KLHL1: variants seen among roughly 807,000 people sequenced by gnomAD.
The protein encoded by KLHL1 is kelch-like protein 1.
Under a neutral mutation model 77.7 loss-of-function variants are expected in KLHL1, and 47 were observed. The observed-to-expected ratio is 0.60, with a 90% CI of 0.48 to 0.77. The LOEUF (loss-of-function observed/expected upper bound fraction) is 0.77, where lower values mean the gene tolerates loss of function less well. KLHL1 is among the 30% of genes least tolerant of loss of function. The pLI, the probability that KLHL1 is intolerant of heterozygous loss-of-function variation, is 0.00. For missense variants in KLHL1, 925 were observed against 910.8 expected, an observed-to-expected ratio of 1.02 and a Z score of -0.20; for synonymous variants, 360 against 325.2, an observed-to-expected ratio of 1.11 and a Z score of -1.15.
intron 4 of KLHL1, among the ~76,000 whole-genome samples, chr13:69,886,604 A>C (rs1432932543): frequency 4.6e-5 from 7 of 152,034 alleles, no homozygotes; most frequent in African/African-American, 7.2e-5. Context: ...AAATCCCTTC[A>C]ACTATCATCT....
At chr13:69,768,977 A>G (rs1875439419) in intron 7 of KLHL1, among the ~76,000 whole-genome samples, 1 of 152,236 alleles carries the variant, frequency 6.6e-6, no homozygotes, top group African/African-American at 2.4e-5. Context: ...AGCAATATTT[A>G]GGAATTCATG....
chr13:70,097,516 A>T (rs1887820916), intron 1 of KLHL1, among the ~76,000 whole-genome samples: 1 of 152,018 alleles, frequency 6.6e-6, no homozygotes, highest in Non-Finnish European at 1.5e-5. Flanking sequence ...GCTAAATAAG[A>T]ATAGTCTAGT....
At chr13:70,034,342 C>G (rs1020359891) in intron 1 of KLHL1, among the ~76,000 whole-genome samples, 25 of 152,294 alleles carry the variant, frequency 1.6e-4, no homozygotes, top group African/African-American at 5.8e-4. Flanking sequence ...CAGAAATTCT[C>G]TTCCCTATTC....
At chr13:69,963,653 A>G (rs970668153) in intron 2 of KLHL1, among the ~76,000 whole-genome samples, 7 of 152,170 alleles carry the variant, frequency 4.6e-5, no homozygotes, top group African/African-American at 9.7e-5. Context: ...ACATTAACCA[A>G]TAACACTCTA....
At chr13:69,767,045 A>T (rs1171088673) in intron 7 of KLHL1, among the ~76,000 whole-genome samples, 1 of 152,326 alleles carries the variant, frequency 6.6e-6, no homozygotes, top group African/African-American at 2.4e-5. Flanking sequence ...ATTTTTCTAG[A>T]GTTTTTCTCC....
chr13:70,092,124 C>T (rs1410387785), intron 1 of KLHL1, among the ~76,000 whole-genome samples: 1 of 152,072 alleles, frequency 6.6e-6, no homozygotes, highest in African/African-American at 2.4e-5. Context: ...AGAAATAAAC[C>T]AGCTGGCACC....
At chr13:69,829,797 A>G (rs1425725021) in intron 6 of KLHL1, among the ~76,000 whole-genome samples, 1 of 150,208 alleles carries the variant, frequency 6.7e-6, no homozygotes, top group Non-Finnish European at 1.5e-5. Flanking sequence ...TCTTATCTTT[A>G]GCCTCCTTAA....
chr13:69,821,503 TG>T (rs373138388), intron 6 of KLHL1, among the ~76,000 whole-genome samples: 3 of 151,890 alleles, frequency 2.0e-5, no homozygotes, highest in Non-Finnish European at 4.4e-5. Context: ...TTAGTAGAAA[TG>T]GGGTTTCATC....
chr13:70,070,673 A>G (rs1218089668), intron 1 of KLHL1, among the ~76,000 whole-genome samples: 2 of 152,068 alleles, frequency 1.3e-5, no homozygotes, highest in Non-Finnish European at 2.9e-5. Flanking sequence ...ATAGAAAGGA[A>G]GAATGCGGGA....
At chr13:70,087,427 A>T (rs1566564867) in intron 1 of KLHL1, among the ~76,000 whole-genome samples, 1 of 152,122 alleles carries the variant, frequency 6.6e-6, no homozygotes, top group Non-Finnish European at 1.5e-5. Context: ...CGGCATAGTC[A>T]TGTGTTACAA....
chr13:69,763,903 C>T (rs914823832), intron 7 of KLHL1, among the ~76,000 whole-genome samples: 2 of 152,152 alleles, frequency 1.3e-5, no homozygotes, highest in Non-Finnish European at 2.9e-5. Context: ...TGTTGTAACC[C>T]TTACAAAAAA....
At chr13:69,939,340 C>CATACATATATAT (rs1555283221) in intron 4 of KLHL1, among the ~76,000 whole-genome samples, 44 of 60,826 alleles carry the variant, frequency 7.2e-4, no homozygotes, top group African/African-American at 2.8e-3. Flanking sequence ...CATATACATA[C>CATACATATATAT]ATATATATAT....
chr13:69,703,896 C>A (rs1875513941), intron 10 of KLHL1, among the ~76,000 whole-genome samples: 1 of 151,482 alleles, frequency 6.6e-6, no homozygotes, highest in Non-Finnish European at 1.5e-5. Flanking sequence ...AATACGTGCA[C>A]AATGATGAAA....
At chr13:69,915,894 C>T (rs2138253424) in intron 4 of KLHL1, among the ~76,000 whole-genome samples, 1 of 152,006 alleles carries the variant, frequency 6.6e-6, no homozygotes, top group East Asian at 1.9e-4. Flanking sequence ...AACAAATTTA[C>T]AAGAAAAAAA....
chr13:69,998,821 CAA>C (rs1885218575), intron 1 of KLHL1, among the ~76,000 whole-genome samples: 1 of 151,962 alleles, frequency 6.6e-6, no homozygotes, highest in Non-Finnish European at 1.5e-5. Flanking sequence ...GGCTCAACTG[CAA>C]AAGAGTATGC....
At chr13:70,073,701 C>T (rs1327479300) in intron 1 of KLHL1, among the ~76,000 whole-genome samples, 5 of 152,068 alleles carry the variant, frequency 3.3e-5, no homozygotes, top group Non-Finnish European at 5.9e-5. Flanking sequence ...TGCTTGGGCC[C>T]AGCAGCTAGA....
intron 5 of KLHL1, among the ~76,000 whole-genome samples, chr13:69,864,537 G>GT (rs2138160131): frequency 6.6e-6 from 1 of 152,016 alleles, no homozygotes; most frequent in African/African-American, 2.4e-5. Flanking sequence ...CATGTTCCCT[G>GT]TTTTTTCAAT....
At chr13:69,867,683 G>A (rs911045002) in intron 5 of KLHL1, among the ~76,000 whole-genome samples, 2 of 151,466 alleles carry the variant, frequency 1.3e-5, no homozygotes, top group Admixed American at 1.3e-4. Flanking sequence ...GTAAAAGAGA[G>A]GGTTTGTAAG....
rs557151164 is a variant in KLHL1 at position 70,053,555 on chromosome 13, A to T, written c.497+53648T>A. Among the ~76,000 whole-genome samples the T allele has an allele frequency of 6.6e-5, 10 of 152,262 alleles. No individual in the cohort carries two copies. The East Asian group carries it at 1.9e-3, about 29-fold the overall frequency. On this transcript the variant is annotated intron_variant, in intron 1 of 10. Transcript: ENST00000377844. ...TATGGAAGTCTATGTAAAACAATTGATCAAAGAAGAATTTTTAAAAAACAG... is the reference window on the plus strand; with the variant it reads ...TATGGAAGTCTATGTAAAACAATTGTTCAAAGAAGAATTTTTAAAAAACAG...
Sources: gnomAD v4.1 joint callset for allele counts (sites outside exome capture counted in the v4.1 genomes callset) on GRCh38, gnomAD v4.1.1 for gene constraint, MANE v1.5 for transcripts, NCBI Gene and HGNC (gene_info 2026-07-23, HGNC 2026-07-21) for gene names.